The following PLXDC2 variants were observed in gnomAD, a reference collection of about 807,000 sequenced individuals.
The protein encoded by PLXDC2 is plexin domain containing 2.
In PLXDC2, 40 loss-of-function variants were observed where a neutral mutation model predicts 68.9. The observed-to-expected ratio is 0.58, with a 90% confidence interval of 0.45 to 0.76. The LOEUF is 0.76. PLXDC2 is among the 30% of genes least tolerant of loss of function. PLXDC2 has a pLI of 0.00. For synonymous variants in PLXDC2, 243 were observed against 234.2 expected (o/e 1.04, Z -0.34); for missense variants, 644 against 661.9 (o/e 0.97, Z 0.30).
intron 1 of PLXDC2, among the ~76,000 whole-genome samples, chr10:19,855,239 T>C (rs1837190822): frequency 6.6e-6 from 1 of 151,976 alleles, no homozygotes; most frequent in Non-Finnish European, 1.5e-5. Flanking sequence ...GTTGTTGTTG[T>C]TGTTGTTCTG....
chr10:19,844,688 T>C (rs113212038), intron 1 of PLXDC2, among the ~76,000 whole-genome samples: 9,093 of 152,152 alleles, frequency 0.06, 289 homozygotes, highest in Middle Eastern at 0.11. Flanking sequence ...CTCTGCCTTC[T>C]GGGCTCAAGT....
At chr10:19,976,462 C>T (rs1834458368) in intron 1 of PLXDC2, among the ~76,000 whole-genome samples, 1 of 152,208 alleles carries the variant, frequency 6.6e-6, no homozygotes, top group South Asian at 2.1e-4. Flanking sequence ...ATCCACCCTC[C>T]TTGGCCTCCC....
chr10:20,124,515 C>T (rs886661183), intron 4 of PLXDC2, among the ~76,000 whole-genome samples: 1 of 152,084 alleles, frequency 6.6e-6, no homozygotes, highest in Admixed American at 6.5e-5. Context: ...TCCCCCAATC[C>T]AAGTCACGGC....
At chr10:19,936,420 T>C (rs1232929149) in intron 1 of PLXDC2, among the ~76,000 whole-genome samples, 2 of 152,226 alleles carry the variant, frequency 1.3e-5, no homozygotes, top group Non-Finnish European at 2.9e-5. Context: ...AATCTGACAC[T>C]GCACTGCAAA....
chr10:19,998,583 C>A (rs1301200982), intron 1 of PLXDC2, among the ~76,000 whole-genome samples: 2 of 152,142 alleles, frequency 1.3e-5, no homozygotes, highest in African/African-American at 4.8e-5. Flanking sequence ...ATGCCAGGCC[C>A]TAAAGCTCAC....
intron 1 of PLXDC2, among the ~76,000 whole-genome samples, chr10:19,937,163 A>C (rs1375116449): frequency 6.6e-6 from 1 of 152,122 alleles, no homozygotes; most frequent in East Asian, 1.9e-4. Context: ...AATGATCTCC[A>C]GGATTATGTT....
intron 3 of PLXDC2, among the ~76,000 whole-genome samples, chr10:20,067,459 G>GT (rs1284335019): frequency 6.6e-6 from 1 of 152,182 alleles, no homozygotes; most frequent in Non-Finnish European, 1.5e-5. Context: ...GCTGAGGCAG[G>GT]TGGATCACCT....
At chr10:20,204,561 G>A (rs1215919843) in intron 9 of PLXDC2, among the ~76,000 whole-genome samples, 1 of 152,006 alleles carries the variant, frequency 6.6e-6, no homozygotes, top group African/African-American at 2.4e-5. Flanking sequence ...AGGCTAAAAG[G>A]ATCATATAAA....
At chr10:19,844,261 G>C (rs1330890897) in intron 1 of PLXDC2, among the ~76,000 whole-genome samples, 1 of 152,150 alleles carries the variant, frequency 6.6e-6, no homozygotes, top group African/African-American at 2.4e-5. Flanking sequence ...AACTGGATTA[G>C]GATCATAGTT....
chr10:19,987,960 C>T (rs981434652), intron 1 of PLXDC2, among the ~76,000 whole-genome samples: 1 of 152,146 alleles, frequency 6.6e-6, no homozygotes, highest in African/African-American at 2.4e-5. Context: ...ACTTACATTT[C>T]ATACCCTATT....
At chr10:20,163,620 T>G (rs2131814011) in intron 6 of PLXDC2, among the ~76,000 whole-genome samples, 1 of 152,290 alleles carries the variant, frequency 6.6e-6, no homozygotes, top group African/African-American at 2.4e-5. Context: ...TTCCTGTTTC[T>G]TTGTTTATTG....
chr10:20,064,009 G>C (rs947283409), intron 3 of PLXDC2, among the ~76,000 whole-genome samples: 1 of 151,738 alleles, frequency 6.6e-6, no homozygotes, highest in African/African-American at 2.4e-5. Context: ...AGTCGATTTT[G>C]TTTATGCCTT....
chr10:20,237,566 CT>C (rs1449563520), intron 12 of PLXDC2, among the ~76,000 whole-genome samples: 1 of 152,148 alleles, frequency 6.6e-6, no homozygotes, highest in Non-Finnish European at 1.5e-5. Context: ...TTACTTAAAA[CT>C]TTTTTCATTT....
At chr10:19,902,090 G>A (rs1354763448) in intron 1 of PLXDC2, among the ~76,000 whole-genome samples, 1 of 152,116 alleles carries the variant, frequency 6.6e-6, no homozygotes, top group Non-Finnish European at 1.5e-5. Context: ...ATTATAGTTT[G>A]AAGTTCAGTA....
intron 1 of PLXDC2, among the ~76,000 whole-genome samples, chr10:19,983,005 T>C (rs1370306198): frequency 6.6e-6 from 1 of 152,218 alleles, no homozygotes; most frequent in Non-Finnish European, 1.5e-5. Flanking sequence ...TCATCTATTA[T>C]CAATGTTAAC....
intron 1 of PLXDC2, among the ~76,000 whole-genome samples, chr10:19,847,944 A>G (rs1343762618): frequency 6.6e-6 from 1 of 152,196 alleles, no homozygotes; most frequent in Non-Finnish European, 1.5e-5. Context: ...TATTCATTGT[A>G]TATACCTACC....
Position 20,194,337 on chromosome 10 carries a change from T to G in PLXDC2, c.1061+16928T>G, listed in dbSNP as rs1055654379. Among the ~76,000 whole-genome samples, 3 of 151,852 alleles carry G rather than the reference T, an allele frequency of 2.0e-5. No individual in the cohort carries two copies. In the South Asian group the frequency reaches 6.2e-4, roughly 32 times the overall value. On this transcript the variant is annotated intron_variant, in intron 9 of 13. Coordinates refer to ENST00000377252, the MANE Select transcript of PLXDC2 (RefSeq NM_032812.9). ...TAAAGTTTTTCCACTGAAATCAATT[T>G]ACTTCAACTGGGAATAATCATCCTT...
chr10:20,077,258 G>A (rs1836466917), intron 4 of PLXDC2, among the ~76,000 whole-genome samples: 2 of 152,092 alleles, frequency 1.3e-5, no homozygotes, highest in Non-Finnish European at 2.9e-5. Context: ...ATTTCTATGT[G>A]ACATTTTGCC....
intron 7 of PLXDC2, among the ~76,000 whole-genome samples, chr10:20,170,283 G>C (rs544236076): frequency 6.6e-6 from 1 of 152,006 alleles, no homozygotes; most frequent in Non-Finnish European, 1.5e-5. Context: ...CTCCCCCTCC[G>C]GGGTTCAAGT....
Sources: allele counts gnomAD v4.1 joint callset (sites outside exome capture counted in the v4.1 genomes callset), GRCh38; gene constraint gnomAD v4.1.1; transcripts MANE v1.5; gene names NCBI Gene and HGNC (gene_info 2026-07-23, HGNC 2026-07-21).